Variants in ADAM2 observed in about 807,000 individuals in gnomAD.
ADAM2 encodes disintegrin and metalloproteinase domain-containing protein 2.
In ADAM2, 101 loss-of-function variants were observed where a neutral mutation model predicts 99.3. The observed-to-expected ratio is 1.02, with a 90% CI of 0.87 to 1.20. The LOEUF (loss-of-function observed/expected upper bound fraction) is 1.20. Ranked by LOEUF, ADAM2 falls within the 50% of genes most tolerant of loss-of-function variation. The probability of loss-of-function intolerance (pLI) is 0.00; values close to 1 mark genes in which losing one functional copy is unlikely to be tolerated. For missense variants in ADAM2, 948 were observed against 878.7 expected, an observed-to-expected ratio of 1.08 and a Z score of -1.00; for synonymous variants, 323 against 287.6, an observed-to-expected ratio of 1.12 and a Z score of -1.25.
chr8:39,832,074 T>C (rs1434303752), intron 3 of ADAM2, among the ~76,000 whole-genome samples: 2 of 152,170 alleles, frequency 1.3e-5, no homozygotes, highest in African/African-American at 2.4e-5. Context: ...TCAGAAGTAC[T>C]CATTGGCTTG....
At chr8:39,772,855 C>T (rs888266932) in intron 11 of ADAM2, among the ~76,000 whole-genome samples, 18 of 151,720 alleles carry the variant, frequency 1.2e-4, no homozygotes, top group South Asian at 2.1e-4. Flanking sequence ...AAAAAAAGTA[C>T]GATTCGCTAG....
At chr8:39,772,787 T>A (rs914022084) in intron 11 of ADAM2, among the ~76,000 whole-genome samples, 9 of 152,004 alleles carry the variant, frequency 5.9e-5, no homozygotes, top group Admixed American at 6.6e-5. Context: ...GAATGGAGCA[T>A]CTTTTTCCTT....
chr8:39,835,592 A>G (rs549457278), intron 2 of ADAM2, among the ~76,000 whole-genome samples: 6 of 151,822 alleles, frequency 4.0e-5, no homozygotes, highest in African/African-American at 1.2e-4. Flanking sequence ...CTGAGGCAGG[A>G]GAATGCTGTG....
intron 18 of ADAM2, among the ~76,000 whole-genome samples, chr8:39,748,999 C>T (rs1823589257): frequency 6.6e-6 from 1 of 152,096 alleles, no homozygotes; most frequent in Admixed American, 6.6e-5. Flanking sequence ...TGGGTTGCCT[C>T]ACCTTTCTCT....
At chr8:39,766,796 T>C (rs1802582268) in intron 14 of ADAM2, 52 bp downstream of exon 14, 1 of 1,219,274 alleles carries the variant, frequency 8.2e-7, no homozygotes. Flanking sequence ...TCTATTTCTG[T>C]TCAGTTTCCA....
chr8:39,761,063 G>A, intron 15 of ADAM2, 113 bp downstream of exon 15: 1 of 527,474 alleles, frequency 1.9e-6, no homozygotes, highest in Admixed American at 3.6e-5. Context: ...GAATAAACAT[G>A]GTCTTACTTT....
chr8:39,836,257 GT>G (rs200680105), intron 2 of ADAM2, among the ~76,000 whole-genome samples: 2,121 of 151,828 alleles, frequency 0.014, 58 homozygotes, highest in African/African-American at 0.049. Flanking sequence ...AGTTATTCTT[GT>G]TTGAAATACT....
chr8:39,760,882 C>CAAAAA (rs58386097), intron 15 of ADAM2, among the ~76,000 whole-genome samples: 25 of 60,172 alleles, frequency 4.2e-4, no homozygotes, highest in African/African-American at 8.1e-4. Context: ...GACTCCATCT[C>CAAAAA]AAAAAAAAAA....
chr8:39,815,978 G>A (rs1199656563), intron 6 of ADAM2, among the ~76,000 whole-genome samples: 3 of 151,954 alleles, frequency 2.0e-5, no homozygotes, highest in Non-Finnish European at 4.4e-5. Flanking sequence ...TAATCAAAAT[G>A]ACTGGTAATA....
At chr8:39,800,875 A>G (rs1389057947) in intron 7 of ADAM2, among the ~76,000 whole-genome samples, 1 of 152,166 alleles carries the variant, frequency 6.6e-6, no homozygotes, top group African/African-American at 2.4e-5. Context: ...CAGCTCCATC[A>G]GATCGTTTAT....
At chr8:39,834,056 T>C in intron 2 of ADAM2, 57 bp from the exon 3 acceptor site, 1 of 919,456 alleles carries the variant, frequency 1.1e-6, no homozygotes, top group Non-Finnish European at 1.7e-6. Flanking sequence ...TTAGAAGGGA[T>C]AACCATCATT....
At chr8:39,781,924 A>T (rs1803249681) in intron 10 of ADAM2, among the ~76,000 whole-genome samples, 1 of 152,194 alleles carries the variant, frequency 6.6e-6, no homozygotes, top group African/African-American at 2.4e-5. Context: ...CGATATGGCG[A>T]CTTGATCTCT....
chr8:39,825,240 G>T (rs1805351395), intron 3 of ADAM2, among the ~76,000 whole-genome samples: 1 of 152,032 alleles, frequency 6.6e-6, no homozygotes, highest in Admixed American at 6.6e-5. Flanking sequence ...TCCCACTGAG[G>T]TTTATCTTGA....
At chr8:39,777,971 G>A (rs984889120) in intron 10 of ADAM2, among the ~76,000 whole-genome samples, 7 of 148,582 alleles carry the variant, frequency 4.7e-5, no homozygotes, top group African/African-American at 1.7e-4. Flanking sequence ...TGACTTTTCA[G>A]TTGTTTCAAT....
chr8:39,808,713 C>T (rs906338051), intron 7 of ADAM2, among the ~76,000 whole-genome samples: 14 of 151,988 alleles, frequency 9.2e-5, no homozygotes, highest in Admixed American at 2.0e-4. Context: ...GTAAAGAGAT[C>T]GAGACCATCC....
Position 39,755,779 on chromosome 8 carries a change from TGCATGATCACTG to T in ADAM2, c.1734_1745del (p.Ser579_Ala582del). On this transcript the variant is annotated inframe_deletion, in exon 16 of 21. Transcript: ENST00000265708. ...CTTTTATCCACATCTTTTGGCTGTCTGCATGATCACTGGCAAATTCCACAGCAATGCAGAGAT... is the reference window on the plus strand; with the variant it reads ...CTTTTATCCACATCTTTTGGCTGTCTGCAAATTCCACAGCAATGCAGAGAT... 2 of 1,613,782 alleles carry T rather than the reference TGCATGATCACTG, an allele frequency of 1.2e-6. No homozygotes were observed. The highest frequency in any genetic ancestry group is 1.7e-6 in the Non-Finnish European group (2 of 1,179,848).
chr8:39,826,529 C>T (rs1293275830), intron 3 of ADAM2, among the ~76,000 whole-genome samples: 1 of 151,788 alleles, frequency 6.6e-6, no homozygotes, highest in African/African-American at 2.4e-5. Flanking sequence ...TGAGACCATC[C>T]TGGCTAAAAT....
At chr8:39,794,831 G>A (rs940354499) in intron 7 of ADAM2, among the ~76,000 whole-genome samples, 6 of 152,136 alleles carry the variant, frequency 3.9e-5, no homozygotes, top group Non-Finnish European at 5.9e-5. Flanking sequence ...GCTCCTGGCT[G>A]AATAAACCGC....
intron 4 of ADAM2, among the ~76,000 whole-genome samples, chr8:39,822,607 C>A (rs1455444432): frequency 6.6e-6 from 1 of 152,104 alleles, no homozygotes; most frequent in Non-Finnish European, 1.5e-5. Flanking sequence ...TTTCTTTCTA[C>A]TTCATTTAGA....
Sources: gnomAD v4.1 joint callset for allele counts (sites outside exome capture counted in the v4.1 genomes callset) on GRCh38, gnomAD v4.1.1 for gene constraint, MANE v1.5 for transcripts, NCBI Gene and HGNC (gene_info 2026-07-23, HGNC 2026-07-21) for gene names.